The following ZCCHC8 variants were observed in gnomAD, a reference collection of about 807,000 sequenced individuals.
ZCCHC8 encodes the protein zinc finger CCHC-type containing 8, also known as zinc finger CCHC domain-containing protein 8.
A neutral mutation model predicts 70.6 loss-of-function variants in ZCCHC8; 27 were observed. That is an observed-to-expected ratio of 0.38 (90% CI 0.28 to 0.53). ZCCHC8 has a LOEUF of 0.53. ZCCHC8 is among the 20% of genes least tolerant of loss of function. The pLI is 0.81. For synonymous variants in ZCCHC8, 293 were observed against 317.4 expected (o/e 0.92, Z 0.82); for missense variants, 737 against 876.9 (o/e 0.84, Z 2.01).
At chr12:122,477,581 G>A (rs573770139) in intron 13 of ZCCHC8, among the ~76,000 whole-genome samples, 61 of 148,808 alleles carry the variant, frequency 4.1e-4, no homozygotes, top group Non-Finnish European at 7.6e-4. Context: ...TCAGGAGTTC[G>A]AGACCAGCCT....
At chr12:122,486,438 AG>A (rs1392907578) in intron 5 of ZCCHC8, among the ~76,000 whole-genome samples, 135 of 142,202 alleles carry the variant, frequency 9.5e-4, no homozygotes, top group African/African-American at 3.3e-3. Context: ...AAAAAAAAAA[AG>A]TCAATTCATA....
chr12:122,487,543 TTTTTTTC>T (rs1170610108), intron 5 of ZCCHC8, among the ~76,000 whole-genome samples: 1 of 152,224 alleles, frequency 6.6e-6, no homozygotes, highest in Non-Finnish European at 1.5e-5. Context: ...TTTCACTTGT[TTTTTTTC>T]TTTTTTCTTT....
rs1957332686 is a variant in ZCCHC8 at position 122,472,304 on chromosome 12, T to G, written c.*1193A>C. The stretch of plus-strand genomic sequence containing the variant: ...CTCACTGCAACCTCCCACTCCCAGG[T>G]TCAAGTGATTCTCCTGCCTCAGCCT... On this transcript the variant is annotated 3_prime_UTR_variant, in exon 14 of 14. Transcript: ENST00000633063. The G allele has an allele frequency of 6.6e-6, 1 of 150,832 alleles. No homozygotes were observed. The allele number at this position is 150,832 out of a possible 1,614,324, so 9.3% of individuals were successfully genotyped here.
rs915772888 is a variant in ZCCHC8 at position 122,472,341 on chromosome 12, G to C, written c.*1156C>G. The C allele has an allele frequency of 6.6e-6, 1 of 151,718 alleles. No homozygotes were observed. Among genetic ancestry groups the C allele is most frequent in the Non-Finnish European group, 1.5e-5 (1 of 68,026 alleles). The allele number at this position is 151,718 out of a possible 1,614,324, so 9.4% of individuals were successfully genotyped here. A position where few individuals can be genotyped will look rare whatever the true frequency, so the allele number is the denominator to read the frequency against. ...TCCTGCCTCAGCCTCCCGAGTAGCT[G>C]GGATTACAGGCATGTACCACCACAC... On this transcript the variant is annotated 3_prime_UTR_variant, in exon 14 of 14. Coordinates refer to ENST00000633063, the MANE Select transcript of ZCCHC8 (RefSeq NM_017612.5).
intron 2 of ZCCHC8, among the ~76,000 whole-genome samples, chr12:122,496,308 C>T (rs959749669): frequency 2.6e-5 from 4 of 152,094 alleles, no homozygotes; most frequent in African/African-American, 7.2e-5. Flanking sequence ...TTCTGTACAA[C>T]ACTTTATCAG....
rs1957351616 is a variant in ZCCHC8, at chr12:122,473,496, A to G, written c.*1T>C. 3 of 1,611,556 alleles carry G rather than the reference A, an allele frequency of 1.9e-6. No homozygotes were observed. Among genetic ancestry groups the G allele is most frequent in the Non-Finnish European group, 2.5e-6 (3 of 1,178,372 alleles). On this transcript the variant is annotated 3_prime_UTR_variant, in exon 14 of 14. Transcript: ENST00000633063. ...ATAGCTCTCAGTGCTAAGTCAAGCC[A>G]TTATTCAGAGGCCTTTTTGTTTTTC...
At chr12:122,496,974 A>G (rs909218300) in intron 2 of ZCCHC8, among the ~76,000 whole-genome samples, 4 of 151,938 alleles carry the variant, frequency 2.6e-5, no homozygotes, top group African/African-American at 9.7e-5. Flanking sequence ...GTGAAACCCC[A>G]TCTCTACTAA....
intron 11 of ZCCHC8, among the ~76,000 whole-genome samples, chr12:122,479,801 CAA>C (rs1957494889): frequency 6.6e-6 from 1 of 152,088 alleles, no homozygotes; most frequent in Non-Finnish European, 1.5e-5. Flanking sequence ...AAACAAGTAA[CAA>C]ATTTATTCCT....
At chr12:122,485,139 G>A (rs1473812089) in intron 5 of ZCCHC8, among the ~76,000 whole-genome samples, 3 of 151,992 alleles carry the variant, frequency 2.0e-5, no homozygotes, top group South Asian at 2.1e-4. Flanking sequence ...ACGGAGTTTC[G>A]CTCTTGTTGC....
In ZCCHC8 at chr12:122,482,051, C is replaced by G; in HGVS notation, c.769G>C (p.Glu257Gln). Residue 257 changes from glutamate (E) to glutamine (Q), a missense_variant, in exon 9 of 14, where the codon GAG becomes CAG. Physicochemically the swap from Glu to Gln is conservative, Grantham distance 29 (BLOSUM62 2). Coordinates refer to ENST00000633063, the MANE Select transcript of ZCCHC8 (RefSeq NM_017612.5). ...GCTTCTCCACAGGCATCCATATACT[C>G]TTTTCTCTTTTCACTTATTCGAGCA... is the stretch of plus-strand genomic sequence containing the variant. ...NAARISEKRKEYMDACGEANN... is the reference protein window; with the variant it reads ...NAARISEKRKQYMDACGEANN... The G allele has an allele frequency of 6.2e-7, 1 of 1,611,276 alleles. No homozygotes were observed. Among genetic ancestry groups the G allele is most frequent in the Non-Finnish European group, 8.5e-7 (1 of 1,179,074 alleles).
chr12:122,473,378 C>T lies in ZCCHC8; in HGVS notation c.*119G>A. 8.6e-7 allele frequency: 1 copy of T among 1,168,884 alleles called. No homozygotes were observed. The highest frequency in any genetic ancestry group is 1.2e-6 in the Non-Finnish European group (1 of 844,774). The allele number at this position is 1,168,884 out of a possible 1,614,324, so 72.4% of individuals were successfully genotyped here. ...ATAGGCTTGACTTTGGAACATGAAC[C>T]TTGGATAGATTTTTAAACATGGGAG... On this transcript the variant is annotated 3_prime_UTR_variant, in exon 14 of 14. Coordinates refer to ENST00000633063, the MANE Select transcript of ZCCHC8 (RefSeq NM_017612.5).
chr12:122,494,671 C>T (rs1402031541), intron 2 of ZCCHC8, among the ~76,000 whole-genome samples: 3 of 152,088 alleles, frequency 2.0e-5, no homozygotes, highest in African/African-American at 7.2e-5. Flanking sequence ...CTGGCTAACA[C>T]GGTGAAACCC....
chr12:122,474,043 C>A lies in ZCCHC8; in HGVS notation c.1578G>T (p.Arg526=), dbSNP rs1957367799. Residue 526 remains arginine, a synonymous_variant, in exon 14 of 14, where the codon CGG becomes CGT. Transcript: ENST00000633063. ...CGGCCTGCTCAAGAGCTGCCCAGAT[C>A]CGCCTCTGCTGTTCTTCAAGTTCTT... is the stretch of plus-strand genomic sequence containing the variant. ...TLEELEEQQR[R]IWAALEQAES... 7 of 1,529,626 alleles carry A rather than the reference C, an allele frequency of 4.6e-6. No individual in the cohort carries two copies. Among genetic ancestry groups the A allele is most frequent in the Non-Finnish European group, 6.1e-6 (7 of 1,141,770 alleles). The allele number at this position is 1,529,626 out of a possible 1,614,324, so 94.8% of individuals were successfully genotyped here.
At chr12:122,477,731 G>C in intron 13 of ZCCHC8, 110 bp downstream of exon 13, 2 of 808,694 alleles carry the variant, frequency 2.5e-6, no homozygotes, top group Non-Finnish European at 4.1e-6. Flanking sequence ...CAGAGGTTGC[G>C]GTGAGCCGAG....
At chr12:122,482,395 A>G (rs544103866) in intron 8 of ZCCHC8, 2 of 438,746 alleles carry the variant, frequency 4.6e-6, no homozygotes, top group South Asian at 1.2e-4. Flanking sequence ...TAATGTCTTA[A>G]AATATGAACA....
chr12:122,490,475 T>G lies in ZCCHC8; in HGVS notation c.410A>C (p.Asn137Thr). ...QKNDVEKTSF[N>T]LLPQPSSIVL... ...AATTTGAAATACCTGGGGCAAAAGA[T>G]TAAAGGAAGTCTTTTCCACATCATT... Residue 137 changes from asparagine to threonine, a missense_variant, in exon 4 of 14, where the codon AAT (asparagine) becomes ACT (threonine). Coordinates refer to ENST00000633063, the MANE Select transcript of ZCCHC8 (RefSeq NM_017612.5). 1 of 1,612,094 alleles carries G rather than the reference T, an allele frequency of 6.2e-7. No homozygotes were observed. Among genetic ancestry groups the G allele is most frequent in the Non-Finnish European group, 8.5e-7 (1 of 1,178,694 alleles).
Position 122,500,525 on chromosome 12 carries a change from G to C in ZCCHC8, c.199+117C>G, listed in dbSNP as rs1027129634. The C allele has an allele frequency of 6.3e-5, 79 of 1,252,344 alleles. No homozygotes were observed. Among genetic ancestry groups the C allele is most frequent in the Admixed American group, 2.0e-4 (7 of 35,110 alleles). 77.6% of individuals were successfully genotyped at this position (1,252,344 alleles called of 1,614,324 possible). On this transcript the variant is annotated intron_variant, in intron 1 of 13. Transcript: ENST00000633063. This position sits in a 1 kb window ranked among gnomAD's most constrained non-coding sequence, Gnocchi z 4.8. ...GTGACAGAAAGCACTTGGAATTCTG[G>C]CCCTCCTGGAACTTCCGCCCGCGCC...
chr12:122,483,036 A>G lies in ZCCHC8; in HGVS notation c.671+243T>C, dbSNP rs1957567052. 1 of 537,164 alleles carries G rather than the reference A, an allele frequency of 1.9e-6. No individual in the cohort carries two copies. Among genetic ancestry groups the G allele is most frequent in the Non-Finnish European group, 3.3e-6 (1 of 306,510 alleles). 33.3% of individuals were successfully genotyped at this position (537,164 alleles called of 1,614,324 possible). Reference sequence around the variant, plus strand: ...GGCAGATGGTTATAAGACTGCAATCAAATTGACAGCAACAATTATACCTTT... The same window carrying G: ...GGCAGATGGTTATAAGACTGCAATCGAATTGACAGCAACAATTATACCTTT... On this transcript the variant is annotated intron_variant, in intron 7 of 13. Coordinates refer to ENST00000633063, the MANE Select transcript of ZCCHC8 (RefSeq NM_017612.5). This position sits in a 1 kb window ranked among gnomAD's most constrained non-coding sequence, Gnocchi z 4.4.
intron 13 of ZCCHC8, 56 bp from the exon 14 acceptor site, chr12:122,474,331 TA>T: frequency 7.6e-7 from 1 of 1,324,016 alleles, no homozygotes. Context: ...TTGGTTTTAC[TA>T]AAATTTGTTA....
Sources: allele counts gnomAD v4.1 joint callset (sites outside exome capture counted in the v4.1 genomes callset), GRCh38; gene constraint gnomAD v4.1.1; non-coding constraint Gnocchi (gnomAD v3.1); transcripts MANE v1.5; gene names NCBI Gene and HGNC (gene_info 2026-07-23, HGNC 2026-07-21).